SULT1C3: variants seen among roughly 807,000 people sequenced by gnomAD.
SULT1C3 encodes the protein sulfotransferase family 1C member 3, also known as sulfotransferase 1C3.
Under a neutral mutation model 28.4 loss-of-function variants are expected in SULT1C3, and 31 were observed. That is an observed-to-expected ratio of 1.09 (90% confidence interval 0.82 to 1.47). The LOEUF (loss-of-function observed/expected upper bound fraction) is 1.47. SULT1C3 is among the 40% of genes most tolerant of loss of function. SULT1C3 has a pLI of 0.00. For missense variants in SULT1C3, 307 were observed against 272.5 expected (o/e 1.13, Z -0.89); for synonymous variants, 106 against 92.2 (o/e 1.15, Z -0.86).
chr2:108,264,752 A>G, downstream of SULT1C3: 2 of 1,432,382 alleles, frequency 1.4e-6, no homozygotes, highest in South Asian at 1.4e-5. Flanking sequence ...CTCTCCAAAT[A>G]CTGTCCAAAT....
chr2:108,264,882 G>T (rs201793819), downstream of SULT1C3: 131 of 1,613,660 alleles, frequency 8.1e-5, no homozygotes, highest in Non-Finnish European at 1.1e-4. Flanking sequence ...CATATCAGAG[G>T]AAATTCTGAA....
chr2:108,265,089 C>G (rs909862145), downstream of SULT1C3: 2 of 1,487,116 alleles, frequency 1.3e-6, no homozygotes, highest in African/African-American at 2.8e-5. Flanking sequence ...ATGTTTCATT[C>G]TCCATTATTT....
At chr2:108,256,885 T>C (rs1675879549) in intron 5 of SULT1C3, among the ~76,000 whole-genome samples, 1 of 151,832 alleles carries the variant, frequency 6.6e-6, no homozygotes, top group Non-Finnish European at 1.5e-5. Context: ...AAATAGCAAA[T>C]CTAGATAGGA....
chr2:108,241,733 C>A (rs890710747), intron 1 of SULT1C3, among the ~76,000 whole-genome samples: 1 of 152,060 alleles, frequency 6.6e-6, no homozygotes, highest in African/African-American at 2.4e-5. Flanking sequence ...TGAGAGCATC[C>A]TGGCTAACAT....
chr2:108,262,798 G>A (rs1676052334), downstream of SULT1C3, among the ~76,000 whole-genome samples: 1 of 152,100 alleles, frequency 6.6e-6, no homozygotes, highest in South Asian at 2.1e-4. Context: ...CTGAGGGTCG[G>A]GCTGCTATTT....
chr2:108,261,193 C>T (rs141976300), downstream of SULT1C3, among the ~76,000 whole-genome samples: 3 of 152,066 alleles, frequency 2.0e-5, no homozygotes, highest in African/African-American at 7.2e-5. Context: ...ATTACTACTG[C>T]AAAATATCAA....
chr2:108,243,901 TA>T (rs1675524649), intron 1 of SULT1C3, among the ~76,000 whole-genome samples: 1 of 152,194 alleles, frequency 6.6e-6, no homozygotes, highest in Non-Finnish European at 1.5e-5. Flanking sequence ...GCCACCATTG[TA>T]AAAAGGCTGA....
At chr2:108,242,146 C>A (rs1212494720) in intron 1 of SULT1C3, among the ~76,000 whole-genome samples, 1 of 152,110 alleles carries the variant, frequency 6.6e-6, no homozygotes, top group Non-Finnish European at 1.5e-5. Context: ...TTCAGACCAC[C>A]TATTTGCATT....
intron 1 of SULT1C3, among the ~76,000 whole-genome samples, chr2:108,244,811 G>A (rs954301928): frequency 2.0e-5 from 3 of 152,132 alleles, no homozygotes; most frequent in African/African-American, 7.2e-5. Flanking sequence ...TAATTTTGGG[G>A]AATTATTCTC....
At chr2:108,251,737 A>G (rs950129224) in intron 2 of SULT1C3, among the ~76,000 whole-genome samples, 4 of 152,086 alleles carry the variant, frequency 2.6e-5, no homozygotes, top group African/African-American at 9.7e-5. Flanking sequence ...ATCATTAAGA[A>G]AAAATATGGA....
chr2:108,247,157 T>C (rs745830922), intron 1 of SULT1C3, 31 bp from the exon 2 acceptor site: 4 of 1,393,980 alleles, frequency 2.9e-6, no homozygotes, highest in Non-Finnish European at 3.8e-6. Context: ...TTTTTAAAAA[T>C]TTTAATTAGT....
rs187222436 is a variant in SULT1C3, at chr2:108,246,379, G to A, written c.-7-809G>A. 1.3e-4 allele frequency among the ~76,000 whole-genome samples: 20 copies of A among 152,230 alleles called. No homozygotes were observed. In the East Asian group the frequency reaches 2.1e-3, roughly 16 times the overall value. ...GAGACTGGGCAATTTAAAAAATAAC[G>A]AGGTTTAACAGACTTAAAGTTCCAC... On this transcript the variant is annotated intron_variant, in intron 1 of 7. Transcript: ENST00000681802.
chr2:108,241,633 A>G (rs550193393), intron 1 of SULT1C3, among the ~76,000 whole-genome samples: 2 of 152,340 alleles, frequency 1.3e-5, no homozygotes, highest in East Asian at 3.9e-4. Context: ...GTTACAGTTA[A>G]AAACATGACT....
rs1197436192 is a variant in SULT1C3, at chr2:108,252,396, G to A, written c.204G>A (p.Met68Ile). ...CATGGATGCATGAAATTTTAGACAT[G>A]ATTCTAAATGATGGTGATGTGGAGA... is the stretch of plus-strand genomic sequence containing the variant. ...GTTWMHEILD[M>I]ILNDGDVEKC... Residue 68 changes from methionine (M) to isoleucine (I), a missense_variant, in exon 3 of 8, where the codon ATG becomes ATA. Physicochemically the swap from Met to Ile is conservative, Grantham distance 10. Transcript: ENST00000681802. The A allele has an allele frequency of 1.2e-6, 2 of 1,610,636 alleles. No homozygotes were observed. The highest frequency in any genetic ancestry group is 2.7e-5 in the African/African-American group (2 of 74,802).
intron 4 of SULT1C3, among the ~76,000 whole-genome samples, chr2:108,253,732 T>C (rs991246119): frequency 1.3e-5 from 2 of 151,950 alleles, no homozygotes; most frequent in Admixed American, 1.3e-4. Flanking sequence ...GGAGCTAGAA[T>C]GGAGGGAAAC....
rs111450097 is a variant in SULT1C3, at chr2:108,247,168, A to C, written c.-7-20A>C. 40 of 1,471,972 alleles carry C rather than the reference A, an allele frequency of 2.7e-5. No homozygotes were observed. In the African/African-American group the frequency reaches 5.0e-4, roughly 18 times the overall value. The allele number at this position is 1,471,972 out of a possible 1,614,324, so 91.2% of individuals were successfully genotyped here. ...AACATTTTTAAAAATTTTAATTAGT[A>C]TTGATCTTACCCATCCCAGATTCCC... On this transcript the variant is annotated intron_variant, in intron 1 of 7. Coordinates refer to ENST00000681802, the MANE Select transcript of SULT1C3 (RefSeq NM_001320878.2).
At chr2:108,257,339 A>G in intron 5 of SULT1C3, among the ~76,000 whole-genome samples, 1 of 152,036 alleles carries the variant, frequency 6.6e-6, no homozygotes, top group East Asian at 1.9e-4. Context: ...CAACTGCAGG[A>G]GCCAATTCCT....
At chr2:108,258,192 G>T (rs1675925777) in intron 5 of SULT1C3, among the ~76,000 whole-genome samples, 1 of 152,068 alleles carries the variant, frequency 6.6e-6, no homozygotes, top group South Asian at 2.1e-4. Flanking sequence ...ACATCCCTGG[G>T]ATAAAATATG....
At position 108,258,780 on chromosome 2, in the gene SULT1C3, A is replaced by G. The variant is rs577034861; in HGVS notation, c.573A>G (p.Ala191=). The change falls in exon 6 of 8, where the codon GCA becomes GCG. Residue 191 remains alanine (A), a synonymous_variant. Coordinates refer to ENST00000681802, the MANE Select transcript of SULT1C3 (RefSeq NM_001320878.2). ...WFDHVKGWWA[A]KDMHRILYLF... ...ACCATGTGAAAGGATGGTGGGCTGCAAAAGACATGCACCGGATCCTCTACC... is the reference window on the plus strand; with the variant it reads ...ACCATGTGAAAGGATGGTGGGCTGCGAAAGACATGCACCGGATCCTCTACC... 1 of 1,613,044 alleles carries G rather than the reference A, an allele frequency of 6.2e-7. No individual in the cohort carries two copies. Among genetic ancestry groups the G allele is most frequent in the Non-Finnish European group, 8.5e-7 (1 of 1,179,400 alleles).
Sources: allele counts gnomAD v4.1 joint callset (sites outside exome capture counted in the v4.1 genomes callset), GRCh38; gene constraint gnomAD v4.1.1; transcripts MANE v1.5; gene names NCBI Gene and HGNC (gene_info 2026-07-23, HGNC 2026-07-21).